Variants in PKP2 observed in about 807,000 individuals in gnomAD.
PKP2 encodes plakophilin 2, also known as plakophilin-2.
In PKP2, 73 loss-of-function variants were observed where a neutral mutation model predicts 83.4. The observed-to-expected ratio is 0.88, with a 90% confidence interval of 0.72 to 1.06. PKP2 has a LOEUF of 1.06. Among genes scored for constraint, PKP2 ranks in the 50% least tolerant of loss-of-function variants. PKP2 has a pLI of 0.00. For synonymous variants in PKP2, 409 were observed against 430.4 expected (o/e 0.95, Z 0.62); for missense variants, 966 against 1,065.4 (o/e 0.91, Z 1.30).
intron 4 of PKP2, among the ~76,000 whole-genome samples, chr12:32,862,504 G>A (rs192732666): frequency 2.0e-5 from 3 of 152,046 alleles, no homozygotes; most frequent in Non-Finnish European, 4.4e-5. Flanking sequence ...AATTAGCCGG[G>A]CATGGTGGCG....
rs775519219 is a variant in PKP2 at position 32,792,719 on chromosome 12, G to C, written c.2370C>G (p.Asn790Lys). Residue 790 changes from asparagine to lysine, a missense_variant, in exon 12 of 13, where the codon AAC becomes AAG. Physicochemically the swap from Asn to Lys is moderately conservative, Grantham distance 94. Coordinates refer to ENST00000340811, the MANE Select transcript of PKP2 (RefSeq NM_001005242.3). The stretch of plus-strand genomic sequence containing the variant: ...GGACGGAAGCAGCTTTACTTGCTTT[G>C]TTGGAGGCATAGCTGAAAAGAAAAG... ...AISAGDAYAS[N>K]KASKAASVLL... is the part of the protein sequence containing the mutation. 1.2e-6 allele frequency: 2 copies of C among 1,613,830 alleles called. No homozygotes were observed. The highest frequency in any genetic ancestry group is 1.7e-6 in the Non-Finnish European group (2 of 1,179,790).
At position 32,822,531 on chromosome 12, in the gene PKP2, T is replaced by G; in HGVS notation, c.1775A>C (p.Asn592Thr). Residue 592 changes from asparagine to threonine, a missense_variant, in exon 8 of 13, where the codon AAT becomes ACT. Physicochemically the swap from Asn to Thr is moderately conservative, Grantham distance 65 (BLOSUM62 0). Transcript: ENST00000340811. ...ACTTTTGTTGTTGTCAGTCTGGATA[T>G]TCCGGTTTTGAATATAGATATTCTG... ...YSQNIYIQNRNIQTDNNKSIG... is the reference protein window; with the variant it reads ...YSQNIYIQNRTIQTDNNKSIG... 1 of 1,614,208 alleles carries G rather than the reference T, an allele frequency of 6.2e-7. No homozygotes were observed. Among genetic ancestry groups the G allele is most frequent in the Non-Finnish European group, 8.5e-7 (1 of 1,180,030 alleles).
intron 9 of PKP2, among the ~76,000 whole-genome samples, chr12:32,812,054 G>A (rs913408602): frequency 1.3e-5 from 2 of 151,658 alleles, no homozygotes; most frequent in Admixed American, 6.6e-5. Flanking sequence ...GCTTGCTTGC[G>A]TGGGGGAAAC....
At chr12:32,792,551 A>G in intron 12 of PKP2, 59 bp from the exon 13 acceptor site, 1 of 1,564,926 alleles carries the variant, frequency 6.4e-7, no homozygotes, top group Non-Finnish European at 8.8e-7. Context: ...AAGAAAATGC[A>G]GTTTTTTAGC....
At chr12:32,847,676 G>A (rs147866064) in intron 5 of PKP2, among the ~76,000 whole-genome samples, 1 of 152,158 alleles carries the variant, frequency 6.6e-6, no homozygotes, top group African/African-American at 2.4e-5. Flanking sequence ...TGCTAGTGAT[G>A]CTCACTTTGC....
At chr12:32,893,034 T>C (rs1337528606) in intron 1 of PKP2, among the ~76,000 whole-genome samples, 1 of 152,208 alleles carries the variant, frequency 6.6e-6, no homozygotes, top group Admixed American at 6.5e-5. Flanking sequence ...TACAGCCAAC[T>C]TTAAAATGTT....
chr12:32,799,968 G>C (rs1956164904), intron 10 of PKP2, among the ~76,000 whole-genome samples: 1 of 152,172 alleles, frequency 6.6e-6, no homozygotes, highest in Non-Finnish European at 1.5e-5. Context: ...AAATCCACTG[G>C]AACTTGTCCT....
At chr12:32,873,163 G>A (rs1956907989) in intron 3 of PKP2, among the ~76,000 whole-genome samples, 2 of 152,116 alleles carry the variant, frequency 1.3e-5, no homozygotes, top group South Asian at 2.1e-4. Flanking sequence ...GCAGTGTCAC[G>A]ATCATGGCTG....
chr12:32,865,236 G>A (rs908407770), intron 4 of PKP2, among the ~76,000 whole-genome samples: 1 of 151,906 alleles, frequency 6.6e-6, no homozygotes, highest in Non-Finnish European at 1.5e-5. Context: ...TTAGCCGGGT[G>A]TGGTGGCAGT....
chr12:32,829,550 T>C (rs767702037), intron 6 of PKP2, among the ~76,000 whole-genome samples: 2 of 152,030 alleles, frequency 1.3e-5, no homozygotes, highest in African/African-American at 2.4e-5. Context: ...AAAATTTTGT[T>C]TTTTAAATGG....
Position 32,791,968 on chromosome 12 carries a change from C to G in PKP2, c.*456G>C, listed in dbSNP as rs1956071415. 2.2e-5 allele frequency: 4 copies of G among 178,208 alleles called. No homozygotes were observed. Among genetic ancestry groups the G allele is most frequent in the Admixed American group, 2.2e-4 (4 of 18,322 alleles). The allele number at this position is 178,208 out of a possible 1,614,324, so 11.0% of individuals were successfully genotyped here. A position where few individuals can be genotyped will look rare whatever the true frequency, so the allele number is the denominator to read the frequency against. On this transcript the variant is annotated 3_prime_UTR_variant, in exon 13 of 13. Transcript: ENST00000340811. Reference sequence around the variant, plus strand: ...TAACTGCAGATATTTCTTGTCATTTCCATTCTGTTTCAACACTGCAGAACA... The same window carrying G: ...TAACTGCAGATATTTCTTGTCATTTGCATTCTGTTTCAACACTGCAGAACA...
chr12:32,810,465 G>A (rs1209516974), intron 9 of PKP2, among the ~76,000 whole-genome samples: 1 of 152,124 alleles, frequency 6.6e-6, no homozygotes, highest in African/African-American at 2.4e-5. Flanking sequence ...ATGCACACCT[G>A]TTTCAAGCAA....
intron 5 of PKP2, among the ~76,000 whole-genome samples, chr12:32,842,727 T>C (rs1258287059): frequency 1.3e-5 from 2 of 151,706 alleles, no homozygotes; most frequent in Non-Finnish European, 2.9e-5. Flanking sequence ...AAGGCTGAAG[T>C]GCGGTGGCGC....
At chr12:32,830,013 T>A (rs1475969539) in intron 6 of PKP2, among the ~76,000 whole-genome samples, 1 of 152,164 alleles carries the variant, frequency 6.6e-6, no homozygotes, top group Non-Finnish European at 1.5e-5. Flanking sequence ...ATCACCTCAA[T>A]GGTTTTAAAA....
intron 3 of PKP2, among the ~76,000 whole-genome samples, chr12:32,872,718 T>C (rs2137930771): frequency 6.6e-6 from 1 of 152,250 alleles, no homozygotes; most frequent in South Asian, 2.1e-4. Context: ...ACAAGTATTG[T>C]CAGACGCTCA....
At chr12:32,892,597 T>C (rs1463355270) in intron 1 of PKP2, among the ~76,000 whole-genome samples, 1 of 152,064 alleles carries the variant, frequency 6.6e-6, no homozygotes, top group Non-Finnish European at 1.5e-5. Flanking sequence ...ACTACAGGCA[T>C]GAGTCACTGC....
chr12:32,877,530 G>T (rs538268826), intron 3 of PKP2, among the ~76,000 whole-genome samples: 1 of 152,274 alleles, frequency 6.6e-6, no homozygotes, highest in Admixed American at 6.5e-5. Context: ...CCAATTCTTG[G>T]CCTACTTTGG....
intron 3 of PKP2, among the ~76,000 whole-genome samples, chr12:32,872,229 G>A (rs1358233306): frequency 6.6e-6 from 1 of 152,022 alleles, no homozygotes; most frequent in Non-Finnish European, 1.5e-5. Context: ...ATTACAGGGG[G>A]AGAAAAAAAC....
intron 4 of PKP2, among the ~76,000 whole-genome samples, chr12:32,854,991 A>G (rs980825842): frequency 6.6e-6 from 1 of 151,868 alleles, no homozygotes; most frequent in Non-Finnish European, 1.5e-5. Context: ...CTCAAATGTC[A>G]CCTCCTCTAT....
Sources: allele counts gnomAD v4.1 joint callset (sites outside exome capture counted in the v4.1 genomes callset), GRCh38; gene constraint gnomAD v4.1.1; transcripts MANE v1.5; gene names NCBI Gene and HGNC (gene_info 2026-07-23, HGNC 2026-07-21).